Variants in FRK observed in about 807,000 individuals in gnomAD.
The protein encoded by FRK is tyrosine-protein kinase FRK.
Under a neutral mutation model 56.4 loss-of-function variants are expected in FRK, and 51 were observed. The observed-to-expected ratio is 0.90, with a 90% CI of 0.72 to 1.14. The LOEUF (loss-of-function observed/expected upper bound fraction) is 1.14. Ranked by LOEUF, FRK falls within the 50% of genes most tolerant of loss-of-function variation. The probability of loss-of-function intolerance (pLI) is 0.00; values close to 1 mark genes in which losing one functional copy is unlikely to be tolerated. For synonymous variants in FRK, 245 were observed against 217.9 expected, an observed-to-expected ratio of 1.12 and a Z score of -1.10; for missense variants, 570 against 601.4, an observed-to-expected ratio of 0.95 and a Z score of 0.55.
At chr6:116,041,235 T>A (rs1229290682) in intron 1 of FRK, among the ~76,000 whole-genome samples, 1 of 152,184 alleles carries the variant, frequency 6.6e-6, no homozygotes, top group Non-Finnish European at 1.5e-5. Context: ...TGCAAGGTAT[T>A]GAGTTGCTTT....
intron 2 of FRK, among the ~76,000 whole-genome samples, chr6:115,998,410 C>T (rs1230433190): frequency 6.6e-6 from 1 of 152,098 alleles, no homozygotes; most frequent in Non-Finnish European, 1.5e-5. Context: ...TCCAACTTTC[C>T]TTTCCACACT....
At chr6:115,955,088 T>TA (rs1287072106) in intron 5 of FRK, among the ~76,000 whole-genome samples, 2 of 152,016 alleles carry the variant, frequency 1.3e-5, no homozygotes, top group Non-Finnish European at 2.9e-5. Flanking sequence ...TGTCAGGACA[T>TA]AAAAAATTAA....
chr6:116,021,894 A>G (rs1775884862), intron 1 of FRK, among the ~76,000 whole-genome samples: 1 of 152,076 alleles, frequency 6.6e-6, no homozygotes, highest in East Asian at 1.9e-4. Flanking sequence ...ACAAAAATTG[A>G]TATTTTTGGG....
At chr6:115,973,092 A>T (rs1341766047) in intron 2 of FRK, among the ~76,000 whole-genome samples, 2 of 152,142 alleles carry the variant, frequency 1.3e-5, no homozygotes, top group Non-Finnish European at 2.9e-5. Context: ...TTCCTTCAAG[A>T]GCAATATCAT....
At chr6:115,956,676 G>T in intron 4 of FRK, 66 bp from the exon 5 acceptor site, 4 of 1,292,280 alleles carry the variant, frequency 3.1e-6, no homozygotes, top group Non-Finnish European at 4.1e-6. Flanking sequence ...CAGCAGCCTG[G>T]TGGGAATCAT....
intron 5 of FRK, among the ~76,000 whole-genome samples, chr6:115,952,653 C>G (rs1399332386): frequency 6.6e-6 from 1 of 150,998 alleles, no homozygotes; most frequent in African/African-American, 2.4e-5. Flanking sequence ...TTCACAATAG[C>G]AAAGACTTGG....
intron 2 of FRK, among the ~76,000 whole-genome samples, chr6:115,980,647 T>A (rs1037445854): frequency 2.0e-5 from 3 of 152,178 alleles, no homozygotes; most frequent in Non-Finnish European, 4.4e-5. Flanking sequence ...TGCTTCCAGC[T>A]TTTTTAGAAA....
Position 115,933,627 on chromosome 6 carries a change from T to C in FRK, c.*8787A>G, listed in dbSNP as rs1408096267. 1.3e-5 allele frequency: 2 copies of C among 152,190 alleles called. No homozygotes were observed. The highest frequency in any genetic ancestry group is 2.9e-5 in the Non-Finnish European group (2 of 68,020). The allele number at this position is 152,190 out of a possible 1,614,324, so 9.4% of individuals were successfully genotyped here. On this transcript the variant is annotated 3_prime_UTR_variant, in exon 8 of 8. Coordinates refer to ENST00000606080, the MANE Select transcript of FRK (RefSeq NM_002031.3). ...GATCTTACTTAAAAATTTATTATTA[T>C]TAGCTACCAAAAAGAAACAAACTAT...
In FRK at chr6:115,943,042, A is replaced by T. The variant is rs756500618; in HGVS notation, c.1284T>A (p.Thr428=). The part of the protein sequence containing the change: ...SFGILLYEII[T]YGKMPYSGMT... ...CACCACTGTAAGGCATTTTGCCATA[A>T]GTAATGATTTCATAAAGAAGGATTC... The change falls in exon 7 of 8, where the codon ACT becomes ACA. Residue 428 remains threonine (T), a synonymous_variant. Coordinates refer to ENST00000606080, the MANE Select transcript of FRK (RefSeq NM_002031.3). The T allele has an allele frequency of 1.2e-6, 2 of 1,612,324 alleles. No homozygotes were observed. The highest frequency in any genetic ancestry group is 1.7e-4 in the Middle Eastern group (1 of 6,046).
the FRK span, among the ~76,000 whole-genome samples, chr6:116,091,718 C>T: frequency 5.3e-5 from 8 of 152,202 alleles, no homozygotes; most frequent in Admixed American, 2.0e-4. Context: ...GGCCGTCAGA[C>T]TGAAGACAGG....
chr6:116,021,558 A>G (rs1775874201), intron 1 of FRK, among the ~76,000 whole-genome samples: 4 of 152,002 alleles, frequency 2.6e-5, no homozygotes, highest in Non-Finnish European at 5.9e-5. Context: ...GAGAACAAGG[A>G]TTTTCTGCCT....
intron 2 of FRK, among the ~76,000 whole-genome samples, chr6:115,980,409 A>T (rs931964869): frequency 6.6e-6 from 1 of 152,176 alleles, no homozygotes; most frequent in African/African-American, 2.4e-5. Flanking sequence ...ATACGGAAAC[A>T]TGAGGATACA....
At chr6:115,966,050 T>A (rs11969834) in intron 4 of FRK, among the ~76,000 whole-genome samples, 162 of 114,610 alleles carry the variant, frequency 1.4e-3, no homozygotes, top group South Asian at 2.2e-3. Context: ...TAAAGTATAA[T>A]AAAAAAAAAA....
intron 2 of FRK, among the ~76,000 whole-genome samples, chr6:115,991,776 T>G (rs909708196): frequency 1.3e-5 from 2 of 151,710 alleles, no homozygotes; most frequent in Non-Finnish European, 3.0e-5. Context: ...AGGATGATAA[T>G]GATTTTGTAG....
the FRK span, among the ~76,000 whole-genome samples, chr6:116,070,799 TC>T: frequency 6.6e-6 from 1 of 152,182 alleles, no homozygotes; most frequent in Non-Finnish European, 1.5e-5. Context: ...TGCCAAAGTT[TC>T]CAGATTTAGA....
At chr6:116,093,159 C>T in the FRK span, among the ~76,000 whole-genome samples, 1 of 152,288 alleles carries the variant, frequency 6.6e-6, no homozygotes, top group Admixed American at 6.5e-5. Context: ...ACCCCCATAG[C>T]CTAGCCTCCC....
chr6:115,942,994 G>A (rs372244528), intron 7 of FRK, 26 bp downstream of exon 7: 4 of 1,596,826 alleles, frequency 2.5e-6, no homozygotes, highest in Non-Finnish European at 3.4e-6. Flanking sequence ...GCAGCAGAAA[G>A]GTCCACTTCA....
At position 115,937,769 on chromosome 6, in the gene FRK, A is replaced by C. The variant is rs1416698592; in HGVS notation, c.*4645T>G. 1 of 152,268 alleles carries C rather than the reference A, an allele frequency of 6.6e-6. No individual in the cohort carries two copies. Among genetic ancestry groups the C allele is most frequent in the Non-Finnish European group, 1.5e-5 (1 of 68,058 alleles). 9.4% of individuals were successfully genotyped at this position (152,268 alleles called of 1,614,324 possible). A position where few individuals can be genotyped will look rare whatever the true frequency, so the allele number is the denominator to read the frequency against. On this transcript the variant is annotated 3_prime_UTR_variant, in exon 8 of 8. Transcript: ENST00000606080. ...TGGTAAACAGATCAATGCAACAAGAATAGCTAACTATCCTAAATATATATA... is the reference window on the plus strand; with the variant it reads ...TGGTAAACAGATCAATGCAACAAGACTAGCTAACTATCCTAAATATATATA...
chr6:116,028,908 T>C (rs927145812), intron 1 of FRK, among the ~76,000 whole-genome samples: 2 of 152,126 alleles, frequency 1.3e-5, no homozygotes, highest in African/African-American at 2.4e-5. Flanking sequence ...ATGTCATGAA[T>C]CCTACAATGC....
Sources: allele counts gnomAD v4.1 joint callset (sites outside exome capture counted in the v4.1 genomes callset), GRCh38; gene constraint gnomAD v4.1.1; transcripts MANE v1.5; gene names NCBI Gene and HGNC (gene_info 2026-07-23, HGNC 2026-07-21).